CIT: variants seen among roughly 807,000 people sequenced by gnomAD.
The protein encoded by CIT is citron rho-interacting serine/threonine kinase, also known as citron Rho-interacting kinase.
CIT carries 79 observed loss-of-function variants against 272.7 expected under a neutral mutation model. That is an observed-to-expected ratio of 0.29 (90% CI 0.24 to 0.35). The LOEUF is 0.35. Among genes scored for constraint, CIT ranks in the 10% least tolerant of loss-of-function variants. The pLI is 1.00. For missense variants in CIT, 1,909 were observed against 2,618.3 expected (o/e 0.73, Z 5.91); for synonymous variants, 948 against 995.6 (o/e 0.95, Z 0.90).
At chr12:119,776,916 A>G (rs1963804177) in intron 13 of CIT, 74 bp from the exon 14 acceptor site, 23 of 1,471,278 alleles carry the variant, frequency 1.6e-5, no homozygotes, top group Non-Finnish European at 2.0e-5. Context: ...AGGATGGAAG[A>G]GTATTAACCA....
At chr12:119,758,562 T>C (rs1961335759) in intron 21 of CIT, 29 bp downstream of exon 21, 2 of 1,390,676 alleles carry the variant, frequency 1.4e-6, no homozygotes, top group Non-Finnish European at 2.0e-6. Flanking sequence ...AGTGTAATAA[T>C]GTAGGGCAGT....
chr12:119,740,022 G>A (rs190066224), intron 24 of CIT, among the ~76,000 whole-genome samples: 1 of 152,352 alleles, frequency 6.6e-6, no homozygotes, highest in East Asian at 1.9e-4. Flanking sequence ...GTTACTAAGA[G>A]GCCAATTTAT....
chr12:119,786,073 T>C (rs891310806), intron 10 of CIT, among the ~76,000 whole-genome samples: 5 of 152,168 alleles, frequency 3.3e-5, no homozygotes, highest in Non-Finnish European at 7.3e-5. Flanking sequence ...CTTTTTTCCT[T>C]CACTGACAGA....
chr12:119,734,541 C>A, intron 25 of CIT, 184 bp from the exon 26 acceptor site: 1 of 643,758 alleles, frequency 1.6e-6, no homozygotes, highest in Non-Finnish European at 2.7e-6. Context: ...TCTGCAGCCA[C>A]CTTAGAGGCA....
chr12:119,742,306 GT>G (rs1213511356), intron 24 of CIT, 104 bp downstream of exon 24: 10 of 765,458 alleles, frequency 1.3e-5, no homozygotes, highest in Non-Finnish European at 2.0e-5. Flanking sequence ...CAAGCTGCAA[GT>G]TCGTATCAAA....
chr12:119,739,792 G>A (rs1483921312), intron 24 of CIT, among the ~76,000 whole-genome samples: 1 of 152,138 alleles, frequency 6.6e-6, no homozygotes, highest in Non-Finnish European at 1.5e-5. Context: ...CAAATCCCAT[G>A]ACTCAGTGTT....
At chr12:119,855,318 G>T (rs1232228523) in intron 4 of CIT, among the ~76,000 whole-genome samples, 2 of 152,116 alleles carry the variant, frequency 1.3e-5, no homozygotes, top group Non-Finnish European at 2.9e-5. Context: ...AGCTACTCGG[G>T]AGGCTGAGAT....
chr12:119,719,803 T>C (rs896010159), intron 30 of CIT, among the ~76,000 whole-genome samples: 1 of 152,220 alleles, frequency 6.6e-6, no homozygotes, highest in Non-Finnish European at 1.5e-5. Context: ...TGAGAACACC[T>C]GGCCAAACCT....
intron 9 of CIT, among the ~76,000 whole-genome samples, chr12:119,815,649 C>T (rs431392): frequency 0.69 from 104,694 of 151,572 alleles, 36,379 homozygotes; most frequent in East Asian, 0.84. Context: ...GAGGTTGCAA[C>T]GAGCCGAGAT....
In CIT at chr12:119,770,257, GA is replaced by G. The variant is rs1693222909; in HGVS notation, c.2208+527del. Among the ~76,000 whole-genome samples, 1 of 152,038 alleles carries G rather than the reference GA, an allele frequency of 6.6e-6. No homozygotes were observed. Among genetic ancestry groups the G allele is most frequent in the African/African-American group, 2.4e-5 (1 of 41,394 alleles). On this transcript the variant is annotated intron_variant, in intron 18 of 47. Transcript: ENST00000392521. This position sits in a 1 kb window ranked among gnomAD's most constrained non-coding sequence, Gnocchi z 4.4. ...AAGACCTGCTATATCTAAGGAAATT[GA>G]AAAAATAATAATAATAATAACCAAC...
At chr12:119,870,769 TG>T (rs1950649969) in intron 2 of CIT, among the ~76,000 whole-genome samples, 1 of 151,908 alleles carries the variant, frequency 6.6e-6, no homozygotes, top group East Asian at 1.9e-4. Context: ...CCAAGTTGAG[TG>T]GTTGCAACAG....
At position 119,712,073 on chromosome 12, in the gene CIT, G is replaced by C; in HGVS notation, c.4854+105C>G. ...AGAGCCATCAGCCCTCAGAGAGAGA[G>C]CCTGAGGGGAATCAAAATGGCCAAT... On this transcript the variant is annotated intron_variant, in intron 37 of 47. Coordinates refer to ENST00000392521, the MANE Select transcript of CIT (RefSeq NM_001206999.2). This position sits in a 1 kb window ranked among gnomAD's most constrained non-coding sequence, Gnocchi z 5.2. The C allele has an allele frequency of 8.9e-7, 1 of 1,117,614 alleles. No homozygotes were observed. 69.2% of individuals were successfully genotyped at this position (1,117,614 alleles called of 1,614,324 possible).
At chr12:119,746,456 T>C (rs1246768430) in intron 23 of CIT, among the ~76,000 whole-genome samples, 1 of 152,152 alleles carries the variant, frequency 6.6e-6, no homozygotes, top group Non-Finnish European at 1.5e-5. Flanking sequence ...TGGTGTGAAA[T>C]CTCTCAAAAA....
Position 119,770,823 on chromosome 12 carries a change from T to C in CIT, c.2170A>G (p.Lys724Glu), listed in dbSNP as rs1393993645. ...ENRLKDDIQT[K>E]SQQIQQMADK... The stretch of plus-strand genomic sequence containing the variant: ...GCCATCTGCTGGATCTGTTGGGATT[T>C]TGTCTGGATGTCATCCTTCAGTCTG... The change falls in exon 18 of 48, where the codon AAA becomes GAA. Residue 724 changes from lysine to glutamate, a missense_variant. Lys to Glu is a moderately conservative substitution (Grantham distance 56). Transcript: ENST00000392521. This position sits in a 1 kb window ranked among gnomAD's most constrained non-coding sequence, Gnocchi z 4.4. 3 of 1,612,924 alleles carry C rather than the reference T, an allele frequency of 1.9e-6. No individual in the cohort carries two copies. Among genetic ancestry groups the C allele is most frequent in the Admixed American group, 1.7e-5 (1 of 60,028 alleles).
At position 119,706,050 on chromosome 12, in the gene CIT, G is replaced by A. The variant is rs192638880; in HGVS notation, c.5212-1595C>T. 3.6e-4 allele frequency among the ~76,000 whole-genome samples: 53 copies of A among 148,852 alleles called. 1 individual carries two copies. The highest frequency in any genetic ancestry group is 1.3e-3 in the South Asian group (6 of 4,730). ...GGCTACAGTGAGCCAAGATCGTGCC[G>A]CTGTGCTCCAGCCTGGGTGACAGAG... On this transcript the variant is annotated intron_variant, in intron 40 of 47. Coordinates refer to ENST00000392521, the MANE Select transcript of CIT (RefSeq NM_001206999.2).
At chr12:119,788,437 G>A (rs1965000456) in intron 10 of CIT, among the ~76,000 whole-genome samples, 1 of 152,130 alleles carries the variant, frequency 6.6e-6, no homozygotes, top group Non-Finnish European at 1.5e-5. Flanking sequence ...TCACCCACAT[G>A]TCATGAAGTC....
chr12:119,817,177 T>C (rs909640505), intron 9 of CIT, among the ~76,000 whole-genome samples: 2 of 152,086 alleles, frequency 1.3e-5, no homozygotes, highest in Admixed American at 6.5e-5. Flanking sequence ...GGGGAAGAGA[T>C]CACCAGGTCA....
intron 44 of CIT, among the ~76,000 whole-genome samples, chr12:119,699,339 TAATACTC>T (rs72094415): frequency 0.042 from 6,425 of 152,016 alleles, 441 homozygotes; most frequent in African/African-American, 0.15. Flanking sequence ...CTGGTCTTCT[TAATACTC>T]TATCTCTGCA....
intron 40 of CIT, among the ~76,000 whole-genome samples, chr12:119,706,459 G>T (rs1281229994): frequency 6.6e-6 from 1 of 151,904 alleles, no homozygotes; most frequent in African/African-American, 2.4e-5. Flanking sequence ...CCTCTGACGG[G>T]CCCCAGTGTG....
Sources: allele counts gnomAD v4.1 joint callset (sites outside exome capture counted in the v4.1 genomes callset), GRCh38; gene constraint gnomAD v4.1.1; non-coding constraint Gnocchi (gnomAD v3.1); transcripts MANE v1.5; gene names NCBI Gene and HGNC (gene_info 2026-07-23, HGNC 2026-07-21).